The following NDRG3 variants were observed in gnomAD, a reference collection of about 807,000 sequenced individuals.
NDRG3 encodes the protein protein NDRG3.
Under a neutral mutation model 57.2 loss-of-function variants are expected in NDRG3, and 23 were observed. The ratio of observed to expected loss-of-function variants is 0.40; its 90% CI spans 0.29 to 0.57. The LOEUF is 0.57. NDRG3 is among the 20% of genes least tolerant of loss of function. The probability of loss-of-function intolerance (pLI) is 0.42; values close to 1 mark genes in which losing one functional copy is unlikely to be tolerated. For synonymous variants in NDRG3, 132 were observed against 162.6 expected (o/e 0.81, Z 1.43); for missense variants, 384 against 457.3 (o/e 0.84, Z 1.46).
chr20:36,694,752 T>TATTTATTTATTA (rs1314925724), intron 3 of NDRG3, among the ~76,000 whole-genome samples: 1 of 152,070 alleles, frequency 6.6e-6, no homozygotes, highest in African/African-American at 2.4e-5. Context: ...GCCTTTTATT[T>TATTTATTTATTA]ATTTATTTAT....
intron 3 of NDRG3, among the ~76,000 whole-genome samples, chr20:36,691,846 A>T (rs1232993396): frequency 6.6e-6 from 1 of 152,226 alleles, no homozygotes; most frequent in African/African-American, 2.4e-5. Flanking sequence ...TGGTTCATTC[A>T]TTAAACATCT....
At position 36,653,099 on chromosome 20, in the gene NDRG3, T is replaced by C. The variant is rs1010071696; in HGVS notation, c.*421A>G. 2 of 155,576 alleles carry C rather than the reference T, an allele frequency of 1.3e-5. No individual in the cohort carries two copies. Among genetic ancestry groups the C allele is most frequent in the African/African-American group, 2.4e-5 (1 of 41,582 alleles). 9.6% of individuals were successfully genotyped at this position (155,576 alleles called of 1,614,324 possible). A position where few individuals can be genotyped will look rare whatever the true frequency, so the allele number is the denominator to read the frequency against. On this transcript the variant is annotated 3_prime_UTR_variant, in exon 16 of 16. Transcript: ENST00000349004. This position sits in a 1 kb window ranked among gnomAD's most constrained non-coding sequence, Gnocchi z 4.2. ...ATTCCCTTAAAAACACCATTGAGAATGCAAAATAAGTCCCTTTTTTGTTTT... is the reference window on the plus strand; with the variant it reads ...ATTCCCTTAAAAACACCATTGAGAACGCAAAATAAGTCCCTTTTTTGTTTT...
In NDRG3 at chr20:36,660,340, T is replaced by G; in HGVS notation, c.855A>C (p.Leu285=). ...SRLNPINTTL[L]KMADCGGLPQ... ...GTGAGGGAAGAAGGCACATTACCTT[T>G]AGCAAAGTTGTATTTATAGGGTTCA... Residue 285 remains leucine, a synonymous_variant, in exon 13 of 16, where the codon CTA becomes CTC. Coordinates refer to ENST00000349004, the MANE Select transcript of NDRG3 (RefSeq NM_032013.4). 6.2e-7 allele frequency: 1 copy of G among 1,604,776 alleles called. No individual in the cohort carries two copies. The highest frequency in any genetic ancestry group is 1.1e-5 in the South Asian group (1 of 90,470).
chr20:36,662,127 T>C (rs1979254135), intron 12 of NDRG3, among the ~76,000 whole-genome samples: 1 of 152,156 alleles, frequency 6.6e-6, no homozygotes, highest in South Asian at 2.1e-4. Context: ...GGATTTAACA[T>C]AATAAATCAT....
chr20:36,671,346 C>A lies in NDRG3; in HGVS notation c.583G>T (p.Gly195Trp), dbSNP rs1221472454. The A allele has an allele frequency of 6.2e-7, 1 of 1,613,544 alleles. No homozygotes were observed. ...VVDIILAHHF[G>W]QEELQANLDL... Reference sequence around the variant, plus strand: ...TGGGTGGAACAGGTACTTACCTGCCCAAAGTGATGAGCCAAAATAATGTCC... The same window carrying A: ...TGGGTGGAACAGGTACTTACCTGCCAAAAGTGATGAGCCAAAATAATGTCC... Residue 195 changes from glycine to tryptophan, a missense_variant, in exon 9 of 16, where the codon GGG becomes TGG. By Grantham distance (184) the Gly-to-Trp change is radical. Transcript: ENST00000349004.
intron 3 of NDRG3, among the ~76,000 whole-genome samples, chr20:36,699,071 A>C (rs982947862): frequency 3.3e-5 from 5 of 151,990 alleles, no homozygotes; most frequent in African/African-American, 9.7e-5. Flanking sequence ...CCTCCCAAGT[A>C]GCTAGGACTA....
At chr20:36,694,613 TG>T (rs898540757) in intron 3 of NDRG3, among the ~76,000 whole-genome samples, 2 of 152,202 alleles carry the variant, frequency 1.3e-5, no homozygotes, top group African/African-American at 4.8e-5. Flanking sequence ...CACCTTTTTT[TG>T]GTCATATTCA....
chr20:36,723,955 C>T (rs1267418165), intron 1 of NDRG3, among the ~76,000 whole-genome samples: 1 of 152,132 alleles, frequency 6.6e-6, no homozygotes, highest in African/African-American at 2.4e-5. Flanking sequence ...GATCCACACA[C>T]CTCAGCCTCC....
chr20:36,658,439 C>T (rs898753787), intron 13 of NDRG3, among the ~76,000 whole-genome samples: 3 of 152,184 alleles, frequency 2.0e-5, no homozygotes, highest in Non-Finnish European at 4.4e-5. Context: ...TAGACCAGCC[C>T]ATCAATTGCC....
At chr20:36,712,585 A>ATTGTTTTTT (rs1273225549) in intron 2 of NDRG3, among the ~76,000 whole-genome samples, 1 of 8,488 alleles carries the variant, frequency 1.2e-4, no homozygotes, top group African/African-American at 3.9e-4. Context: ...ATATATATAT[A>ATTGTTTTTT]TATTTTTTTT....
intron 13 of NDRG3, among the ~76,000 whole-genome samples, chr20:36,656,828 T>C (rs1031428423): frequency 1.8e-4 from 27 of 152,214 alleles, no homozygotes; most frequent in African/African-American, 6.5e-4. Context: ...GAAAACCACC[T>C]GAAGAAGGTT....
chr20:36,669,261 C>T (rs898853561), intron 9 of NDRG3, among the ~76,000 whole-genome samples: 1 of 148,390 alleles, frequency 6.7e-6, no homozygotes, highest in African/African-American at 2.5e-5. Flanking sequence ...TGGAGTCTTG[C>T]TCTGTCGCCC....
intron 3 of NDRG3, among the ~76,000 whole-genome samples, chr20:36,693,841 G>T (rs111711947): frequency 6.6e-6 from 1 of 151,594 alleles, no homozygotes; most frequent in South Asian, 2.1e-4. Flanking sequence ...TGAGTTGCAC[G>T]ATTATTTCAT....
intron 9 of NDRG3, among the ~76,000 whole-genome samples, chr20:36,669,836 G>A (rs998739188): frequency 1.3e-5 from 2 of 152,034 alleles, no homozygotes; most frequent in African/African-American, 4.8e-5. Flanking sequence ...GACCTCAAGT[G>A]GTCTGCTCAC....
intron 5 of NDRG3, among the ~76,000 whole-genome samples, chr20:36,684,844 C>T (rs1011439889): frequency 1.2e-4 from 18 of 148,168 alleles, no homozygotes; most frequent in South Asian, 2.1e-4. Flanking sequence ...AGCAAAACTC[C>T]GCCTCAAAAA....
At chr20:36,656,222 C>T (rs1403443242) in intron 15 of NDRG3, 138 bp downstream of exon 15, 5 of 694,852 alleles carry the variant, frequency 7.2e-6, no homozygotes, top group Non-Finnish European at 1.2e-5. Flanking sequence ...ATGAATGTTC[C>T]ATAAACATTT....
intron 2 of NDRG3, among the ~76,000 whole-genome samples, chr20:36,719,421 G>A (rs1325569420): frequency 1.8e-5 from 2 of 112,440 alleles, no homozygotes; most frequent in African/African-American, 6.8e-5. Flanking sequence ...GCAAGACTCC[G>A]TTTCAAAAAA....
At chr20:36,666,468 A>G (rs1979643406) in intron 9 of NDRG3, 76 bp from the exon 10 acceptor site, 3 of 1,122,608 alleles carry the variant, frequency 2.7e-6, no homozygotes, top group Non-Finnish European at 1.4e-6. Context: ...TTGCATTTTC[A>G]TTACCACAAG....
At chr20:36,698,296 CG>C (rs1982973363) in intron 3 of NDRG3, among the ~76,000 whole-genome samples, 1 of 151,136 alleles carries the variant, frequency 6.6e-6, no homozygotes, top group African/African-American at 2.4e-5. Context: ...TACAAATCTC[CG>C]GAAGCTTTCT....
Sources: gnomAD v4.1 joint callset for allele counts (sites outside exome capture counted in the v4.1 genomes callset) on GRCh38, gnomAD v4.1.1 for gene constraint, Gnocchi (gnomAD v3.1) non-coding constraint, MANE v1.5 for transcripts, NCBI Gene and HGNC (gene_info 2026-07-23, HGNC 2026-07-21) for gene names.